The following BAZ1A variants were observed in gnomAD, a reference collection of about 807,000 sequenced individuals.
BAZ1A encodes the protein bromodomain adjacent to zinc finger domain protein 1A.
In BAZ1A, 50 loss-of-function variants were observed where a neutral mutation model predicts 185.2. The ratio of observed to expected loss-of-function variants is 0.27; its 90% CI spans 0.22 to 0.34. The LOEUF (loss-of-function observed/expected upper bound fraction) is 0.34. Ranked by LOEUF, BAZ1A falls within the 10% of genes least tolerant of loss-of-function variation. The pLI, the probability that BAZ1A is intolerant of heterozygous loss-of-function variation, is 1.00. For missense variants in BAZ1A, 1,356 were observed against 1,839.9 expected (o/e 0.74, Z 4.81); for synonymous variants, 571 against 615.6 (o/e 0.93, Z 1.07).
intron 4 of BAZ1A, among the ~76,000 whole-genome samples, chr14:34,817,553 G>A (rs532495626): frequency 5.9e-5 from 9 of 152,242 alleles, no homozygotes; most frequent in South Asian, 2.1e-4. Context: ...GCGCTGTTGC[G>A]CAACAGCCTG....
In BAZ1A at chr14:34,826,227, G is replaced by A. The variant is rs1027444139; in HGVS notation, c.393-71C>T. The A allele has an allele frequency of 1.9e-5, 28 of 1,491,246 alleles. No homozygotes were observed. In the East Asian group the frequency reaches 2.4e-4, roughly 13 times the overall value. 92.4% of individuals were successfully genotyped at this position (1,491,246 alleles called of 1,614,324 possible). A position where few individuals can be genotyped will look rare whatever the true frequency, so the allele number is the denominator to read the frequency against. Reference sequence around the variant, plus strand: ...TACAGCCAAACATGTCAGAGCAATCGAATTGTTTTGAACTAGTTATTTTGT... The same window carrying A: ...TACAGCCAAACATGTCAGAGCAATCAAATTGTTTTGAACTAGTTATTTTGT... On this transcript the variant is annotated intron_variant, in intron 3 of 26. Transcript: ENST00000360310.
At chr14:34,833,042 G>A (rs914427732) in intron 3 of BAZ1A, among the ~76,000 whole-genome samples, 3 of 152,074 alleles carry the variant, frequency 2.0e-5, no homozygotes, top group African/African-American at 7.2e-5. Context: ...CATGTTCATA[G>A]GCTGGGCAAC....
At chr14:34,828,713 T>G (rs2042197991) in intron 3 of BAZ1A, 1 of 152,234 alleles carries the variant, frequency 6.6e-6, no homozygotes, top group East Asian at 1.9e-4. Flanking sequence ...CTGTGTATCT[T>G]CAGTTTTCCT....
chr14:34,801,175 T>C lies in BAZ1A; in HGVS notation c.880A>G (p.Lys294Glu), dbSNP rs1881522020. ...HISQEDNVAN[K>E]QTLASYRSKA... Reference sequence around the variant, plus strand: ...CTCCTATAACTTGCAAGAGTCTGTTTATTAGCAACATTGTCCTCCTAAAAA... The same window carrying C: ...CTCCTATAACTTGCAAGAGTCTGTTCATTAGCAACATTGTCCTCCTAAAAA... Residue 294 changes from lysine to glutamate, a missense_variant, in exon 8 of 27, where the codon AAA becomes GAA. By Grantham distance (56) the Lys-to-Glu change is moderately conservative (BLOSUM62 1). Transcript: ENST00000360310. 3 of 1,605,722 alleles carry C rather than the reference T, an allele frequency of 1.9e-6. No individual in the cohort carries two copies. Among genetic ancestry groups the C allele is most frequent in the Non-Finnish European group, 2.5e-6 (3 of 1,177,466 alleles).
rs182395704 is a variant in BAZ1A at position 34,795,197 on chromosome 14, C to A, written c.1225-310G>T. On this transcript the variant is annotated intron_variant, in intron 10 of 26. Transcript: ENST00000360310. Reference sequence around the variant, plus strand: ...ATATTTCCTAGTAAGAGTCTCTTAACCCACATTCTGAAGTCAAATCAGCTG... The same window carrying A: ...ATATTTCCTAGTAAGAGTCTCTTAAACCACATTCTGAAGTCAAATCAGCTG... Among the ~76,000 whole-genome samples, 64 of 152,282 alleles carry A rather than the reference C, an allele frequency of 4.2e-4. 1 individual carries two copies. The highest frequency in any genetic ancestry group is 3.8e-3 in the Admixed American group (58 of 15,282).
At position 34,874,297 on chromosome 14, in the gene BAZ1A, G is replaced by A; in HGVS notation, c.113+195C>T. 1.8e-6 allele frequency: 1 copy of A among 556,222 alleles called. No homozygotes were observed. The allele number at this position is 556,222 out of a possible 1,614,324, so 34.5% of individuals were successfully genotyped here. A position where few individuals can be genotyped will look rare whatever the true frequency, so the allele number is the denominator to read the frequency against. ...GCCACTACCAACCCGCGTTCCCCAC[G>A]CGCGCCGCCGCCAGTTGGCCCCGCG... On this transcript the variant is annotated intron_variant, in intron 2 of 26. Coordinates refer to ENST00000360310, the MANE Select transcript of BAZ1A (RefSeq NM_013448.3). This position sits in a 1 kb window ranked among gnomAD's most constrained non-coding sequence, Gnocchi z 4.7.
intron 3 of BAZ1A, among the ~76,000 whole-genome samples, chr14:34,857,737 A>G (rs902254345): frequency 2.6e-5 from 4 of 152,130 alleles, no homozygotes; most frequent in African/African-American, 4.8e-5. Flanking sequence ...ACCTCGTTTC[A>G]ATCATTTCAC....
intron 26 of BAZ1A, 117 bp from the exon 27 acceptor site, chr14:34,753,821 AG>A (rs1436638038): frequency 1.9e-5 from 17 of 877,098 alleles, no homozygotes; most frequent in Non-Finnish European, 3.3e-6. Flanking sequence ...TTTTTTCTTT[AG>A]AAAGAGAAGA....
At chr14:34,783,086 T>G in intron 16 of BAZ1A, 33 bp downstream of exon 16, 3 of 1,460,526 alleles carry the variant, frequency 2.1e-6, no homozygotes, top group Non-Finnish European at 2.9e-6. Context: ...TTATGTATGG[T>G]AAAGCAGATG....
chr14:34,855,173 G>C (rs1282784331), intron 3 of BAZ1A, among the ~76,000 whole-genome samples: 1 of 152,132 alleles, frequency 6.6e-6, no homozygotes, highest in Non-Finnish European at 1.5e-5. Context: ...AGGTTTCTCT[G>C]TACATGGTTA....
intron 4 of BAZ1A, among the ~76,000 whole-genome samples, chr14:34,822,078 T>C (rs899561233): frequency 2.6e-5 from 4 of 152,138 alleles, no homozygotes; most frequent in Non-Finnish European, 5.9e-5. Flanking sequence ...GTGTATCACC[T>C]GAGGTCAGGA....
At chr14:34,761,020 T>C (rs1026339890) in intron 24 of BAZ1A, among the ~76,000 whole-genome samples, 3 of 151,962 alleles carry the variant, frequency 2.0e-5, no homozygotes, top group African/African-American at 7.3e-5. Flanking sequence ...GGCTCACGCC[T>C]ATAATCCCAG....
In BAZ1A at chr14:34,874,435, G is replaced by C. The variant is rs1259408706; in HGVS notation, c.113+57C>G. The C allele has an allele frequency of 1.4e-6, 2 of 1,470,360 alleles. No individual in the cohort carries two copies. The highest frequency in any genetic ancestry group is 1.9e-6 in the Non-Finnish European group (2 of 1,053,378). 91.1% of individuals were successfully genotyped at this position (1,470,360 alleles called of 1,614,324 possible). On this transcript the variant is annotated intron_variant, in intron 2 of 26. Transcript: ENST00000360310. This position sits in a 1 kb window ranked among gnomAD's most constrained non-coding sequence, Gnocchi z 4.7. ...CGAGGAAAAGGAGAGAGACAAAAGAGCGCTGCGGGGGGAGTCCCCACACCC... is the reference window on the plus strand; with the variant it reads ...CGAGGAAAAGGAGAGAGACAAAAGACCGCTGCGGGGGGAGTCCCCACACCC...
At chr14:34,854,630 C>CCAGATGTTTTGTGTCT (rs2042646658) in intron 3 of BAZ1A, among the ~76,000 whole-genome samples, 1 of 152,128 alleles carries the variant, frequency 6.6e-6, no homozygotes, top group African/African-American at 2.4e-5. Context: ...CACATACATA[C>CCAGATGTTTTGTGTCT]ATATACATTT....
intron 4 of BAZ1A, among the ~76,000 whole-genome samples, chr14:34,818,795 T>C (rs1028813181): frequency 1.3e-5 from 2 of 152,108 alleles, no homozygotes; most frequent in Non-Finnish European, 2.9e-5. Flanking sequence ...ATTTCTGGAC[T>C]TAATAAGGAA....
At chr14:34,818,722 T>C (rs1320387275) in intron 4 of BAZ1A, among the ~76,000 whole-genome samples, 2 of 152,188 alleles carry the variant, frequency 1.3e-5, no homozygotes, top group Non-Finnish European at 2.9e-5. Context: ...ATATCCACAC[T>C]GTATACACCG....
chr14:34,809,083 T>C (rs1007672285), intron 5 of BAZ1A, among the ~76,000 whole-genome samples: 2 of 152,180 alleles, frequency 1.3e-5, no homozygotes, highest in African/African-American at 4.8e-5. Flanking sequence ...ATTTACATTG[T>C]ATTAGGTATT....
chr14:34,761,228 G>C (rs1372974679), intron 24 of BAZ1A, among the ~76,000 whole-genome samples: 1 of 152,166 alleles, frequency 6.6e-6, no homozygotes, highest in Non-Finnish European at 1.5e-5. Flanking sequence ...AGTGAGCCAA[G>C]ATTGCACCAC....
chr14:34,762,823 T>C (rs1886581224), intron 23 of BAZ1A, among the ~76,000 whole-genome samples: 1 of 152,218 alleles, frequency 6.6e-6, no homozygotes, highest in Non-Finnish European at 1.5e-5. Context: ...TCCTAAATTC[T>C]GATAAATTGT....
Sources: allele counts gnomAD v4.1 joint callset (sites outside exome capture counted in the v4.1 genomes callset), GRCh38; gene constraint gnomAD v4.1.1; non-coding constraint Gnocchi (gnomAD v3.1); transcripts MANE v1.5; gene names NCBI Gene and HGNC (gene_info 2026-07-23, HGNC 2026-07-21).